PAK1: variants seen among roughly 807,000 people sequenced by gnomAD.
PAK1 encodes serine/threonine-protein kinase PAK 1.
PAK1 carries 29 observed loss-of-function variants against 67.4 expected under a neutral mutation model. That is an observed-to-expected ratio of 0.43 (90% CI 0.32 to 0.59). PAK1 has a LOEUF of 0.59. Among genes scored for constraint, PAK1 ranks in the 20% least tolerant of loss-of-function variants. The pLI is 0.07. For synonymous variants in PAK1, 223 were observed against 237.4 expected (o/e 0.94, Z 0.56); for missense variants, 337 against 670.7 (o/e 0.50, Z 5.50).
At chr11:77,437,159 C>A (rs1956162119) in intron 1 of PAK1, among the ~76,000 whole-genome samples, 1 of 152,176 alleles carries the variant, frequency 6.6e-6, no homozygotes, top group Admixed American at 6.5e-5. Flanking sequence ...GTTAGGCACA[C>A]AACAGATCTA....
chr11:77,514,070 A>G, the PAK1 span, among the ~76,000 whole-genome samples: 1 of 152,172 alleles, frequency 6.6e-6, no homozygotes, highest in African/African-American at 2.4e-5. Context: ...TAGAGCCATG[A>G]TTTGAACCCA....
At chr11:77,400,676 C>T (rs936181875) in intron 1 of PAK1, among the ~76,000 whole-genome samples, 2 of 152,148 alleles carry the variant, frequency 1.3e-5, no homozygotes, top group Non-Finnish European at 2.9e-5. Flanking sequence ...CACAGAAAAC[C>T]TTCAGGATTA....
intron 2 of PAK1, among the ~76,000 whole-genome samples, chr11:77,386,077 C>T (rs932377236): frequency 9.9e-5 from 15 of 152,116 alleles, no homozygotes; most frequent in Admixed American, 9.8e-4. Context: ...AAAGAAGCTT[C>T]CAACCTCACC....
intron 14 of PAK1, among the ~76,000 whole-genome samples, chr11:77,324,235 C>T (rs930789339): frequency 7.2e-5 from 10 of 138,932 alleles, no homozygotes; most frequent in East Asian, 2.2e-4. Flanking sequence ...TGCAGTGGTG[C>T]GGTCTCGGCT....
In PAK1 at chr11:77,355,687, C is replaced by T. The variant is rs147805490; in HGVS notation, c.753G>A (p.Glu251=). 22 of 1,613,206 alleles carry T rather than the reference C, an allele frequency of 1.4e-5. No individual in the cohort carries two copies. The African/African-American group carries it at 2.0e-4, about 15-fold the overall frequency. The part of the protein sequence containing the change: ...KQKKKPKMSD[E]EILEKLRSIV... ...CCTTACGTAATTTCTCCAAGATCTC[C>T]TCATCAGACATTTTAGGCTTCTTCT... is the stretch of plus-strand genomic sequence containing the variant. Residue 251 remains glutamate (E), a synonymous_variant, in exon 7 of 15, where the codon GAG becomes GAA. Coordinates refer to ENST00000356341, the MANE Select transcript of PAK1 (RefSeq NM_002576.5).
chr11:77,371,911 T>G (rs1948482291), intron 5 of PAK1, among the ~76,000 whole-genome samples: 1 of 152,360 alleles, frequency 6.6e-6, no homozygotes, highest in East Asian at 1.9e-4. Flanking sequence ...ACAGCTTTAC[T>G]GCAGTCTCCT....
intron 5 of PAK1, among the ~76,000 whole-genome samples, chr11:77,361,011 A>C (rs781552592): frequency 6.6e-6 from 1 of 152,174 alleles, no homozygotes; most frequent in Non-Finnish European, 1.5e-5. Flanking sequence ...CCATCTACCC[A>C]TATAGCCATC....
chr11:77,420,606 G>T (rs552045480), intron 1 of PAK1, among the ~76,000 whole-genome samples: 2 of 152,248 alleles, frequency 1.3e-5, no homozygotes, highest in African/African-American at 2.4e-5. Context: ...TCAGCAAATT[G>T]TATCAACTAT....
chr11:77,393,574 G>C (rs1951438359), intron 1 of PAK1, among the ~76,000 whole-genome samples: 1 of 152,134 alleles, frequency 6.6e-6, no homozygotes, highest in South Asian at 2.1e-4. Context: ...TGGAATTACA[G>C]GCGAGAGCCA....
the PAK1 span, among the ~76,000 whole-genome samples, chr11:77,500,849 A>G: frequency 6.6e-6 from 1 of 152,074 alleles, no homozygotes; most frequent in Non-Finnish European, 1.5e-5. Context: ...GTTTCAAAAA[A>G]AAAATTCAGT....
intron 1 of PAK1, among the ~76,000 whole-genome samples, chr11:77,432,377 C>T (rs971455422): frequency 4.6e-5 from 7 of 151,778 alleles, no homozygotes; most frequent in African/African-American, 1.7e-4. Context: ...AGAAACAAGA[C>T]AAAGATGTCC....
intron 14 of PAK1, among the ~76,000 whole-genome samples, chr11:77,324,808 A>AG (rs1565565657): frequency 2.2e-5 from 3 of 136,492 alleles, no homozygotes; most frequent in African/African-American, 6.6e-5. Flanking sequence ...GAGAGAGAGA[A>AG]AGAGAAAGAG....
intron 1 of PAK1, among the ~76,000 whole-genome samples, chr11:77,457,305 T>C (rs1220446067): frequency 6.6e-6 from 1 of 152,220 alleles, no homozygotes; most frequent in Non-Finnish European, 1.5e-5. Flanking sequence ...TTTTCCTTAT[T>C]CTATAAAGTG....
chr11:77,490,130 T>G, the PAK1 span, among the ~76,000 whole-genome samples: 4 of 151,420 alleles, frequency 2.6e-5, no homozygotes, highest in African/African-American at 9.7e-5. Flanking sequence ...GAGGAGCATC[T>G]CTGCCTGGCC....
At chr11:77,437,880 A>C (rs1480734882) in intron 1 of PAK1, among the ~76,000 whole-genome samples, 4 of 152,204 alleles carry the variant, frequency 2.6e-5, no homozygotes, top group African/African-American at 7.2e-5. Context: ...AGTAATCTAC[A>C]AAAGAATAGA....
At chr11:77,525,182 CA>C in the PAK1 span, among the ~76,000 whole-genome samples, 4,623 of 107,082 alleles carry the variant, frequency 0.043, 191 homozygotes, top group African/African-American at 0.13. Flanking sequence ...CCACCCCTAT[CA>C]AAAAAAAAAA....
intron 1 of PAK1, among the ~76,000 whole-genome samples, chr11:77,436,150 A>G (rs1265496989): frequency 6.6e-6 from 1 of 152,194 alleles, no homozygotes; most frequent in African/African-American, 2.4e-5. Flanking sequence ...GAGAAATAAC[A>G]TGATTCCCAG....
chr11:77,344,348 A>T (rs928786038), intron 9 of PAK1, among the ~76,000 whole-genome samples: 17 of 152,378 alleles, frequency 1.1e-4, no homozygotes, highest in Middle Eastern at 3.4e-3. Context: ...AAAGCCAAGA[A>T]TGCTTTCAAT....
chr11:77,512,682 TTGAATACCTA>T, the PAK1 span, among the ~76,000 whole-genome samples: 2 of 152,212 alleles, frequency 1.3e-5, no homozygotes, highest in Non-Finnish European at 2.9e-5. Flanking sequence ...CTACAATGCA[TTGAATACCTA>T]TGAGTACCTA....
Sources: gnomAD v4.1 joint callset for allele counts (sites outside exome capture counted in the v4.1 genomes callset) on GRCh38, gnomAD v4.1.1 for gene constraint, MANE v1.5 for transcripts, NCBI Gene and HGNC (gene_info 2026-07-23, HGNC 2026-07-21) for gene names.